MAGI2: variants seen among roughly 807,000 people sequenced by gnomAD.
MAGI2 encodes membrane associated guanylate kinase, WW and PDZ domain containing 2.
In MAGI2, 35 loss-of-function variants were observed where a neutral mutation model predicts 133.3. That is an observed-to-expected ratio of 0.26 (90% CI 0.20 to 0.35). The LOEUF (loss-of-function observed/expected upper bound fraction) is 0.35. Ranked by LOEUF, MAGI2 falls within the 10% of genes least tolerant of loss-of-function variation. The pLI is 1.00. For synonymous variants in MAGI2, 729 were observed against 710.6 expected (o/e 1.03, Z -0.41); for missense variants, 1,636 against 1,863.4 (o/e 0.88, Z 2.25).
chr7:78,243,537 C>G (rs1357103900), intron 10 of MAGI2, among the ~76,000 whole-genome samples: 1 of 152,042 alleles, frequency 6.6e-6, no homozygotes, highest in African/African-American at 2.4e-5. Context: ...AAACACAATT[C>G]TCTGGGTTCT....
At chr7:79,110,484 C>T (rs2129543853) in intron 1 of MAGI2, among the ~76,000 whole-genome samples, 1 of 152,312 alleles carries the variant, frequency 6.6e-6, no homozygotes. Context: ...TAGCCCCATT[C>T]TTTTGGCTGA....
chr7:78,924,776 T>C (rs938996719), intron 2 of MAGI2, among the ~76,000 whole-genome samples: 1 of 151,980 alleles, frequency 6.6e-6, no homozygotes, highest in Non-Finnish European at 1.5e-5. Context: ...CCCAGTCGTC[T>C]TCTCATTTGT....
intron 2 of MAGI2, among the ~76,000 whole-genome samples, chr7:78,987,060 C>A (rs968626351): frequency 1.3e-5 from 2 of 151,836 alleles, no homozygotes; most frequent in African/African-American, 4.8e-5. Context: ...GCTATGAAAC[C>A]CAAAGAAAAT....
At chr7:78,431,819 G>A (rs1043884832) in intron 6 of MAGI2, among the ~76,000 whole-genome samples, 3 of 151,772 alleles carry the variant, frequency 2.0e-5, no homozygotes, top group Admixed American at 6.6e-5. Flanking sequence ...AAGGTGTCTC[G>A]TAAATAATAC....
intron 2 of MAGI2, among the ~76,000 whole-genome samples, chr7:78,714,793 G>A (rs55984124): frequency 0.05 from 7,541 of 152,218 alleles, 272 homozygotes; most frequent in Non-Finnish European, 0.077. Flanking sequence ...ACACAGCTTT[G>A]AATTTTCCAA....
At chr7:79,155,461 A>G (rs1311638968) in intron 1 of MAGI2, among the ~76,000 whole-genome samples, 1 of 152,116 alleles carries the variant, frequency 6.6e-6, no homozygotes, top group Non-Finnish European at 1.5e-5. Flanking sequence ...TGATAAATAT[A>G]TAATTACACA....
chr7:78,209,193 C>G (rs113527903), intron 10 of MAGI2, among the ~76,000 whole-genome samples: 2,654 of 29,630 alleles, frequency 0.09, 274 homozygotes, highest in Non-Finnish European at 0.15. Context: ...CTGCACTCCA[C>G]CCTGGGCGAC....
At chr7:78,743,181 C>T in intron 2 of MAGI2, among the ~76,000 whole-genome samples, 1 of 152,142 alleles carries the variant, frequency 6.6e-6, no homozygotes, top group South Asian at 2.1e-4. Flanking sequence ...ACTAGAACAT[C>T]CCCTCCTCTA....
chr7:78,436,649 G>A (rs1800315573), intron 6 of MAGI2, among the ~76,000 whole-genome samples: 1 of 152,008 alleles, frequency 6.6e-6, no homozygotes, highest in Non-Finnish European at 1.5e-5. Flanking sequence ...ATTTTTCCTG[G>A]TTGATCCCAT....
intron 15 of MAGI2, among the ~76,000 whole-genome samples, chr7:78,164,914 T>G (rs1268284361): frequency 6.6e-6 from 1 of 152,102 alleles, no homozygotes; most frequent in African/African-American, 2.4e-5. Flanking sequence ...GTATAATAAT[T>G]AAAGCCACTC....
chr7:79,077,629 A>G (rs979645898), intron 1 of MAGI2, among the ~76,000 whole-genome samples: 7 of 147,826 alleles, frequency 4.7e-5, no homozygotes, highest in Non-Finnish European at 7.5e-5. Context: ...TTGCTTAACT[A>G]GAGTTGGCTT....
At chr7:78,217,102 T>C (rs1788348576) in intron 10 of MAGI2, among the ~76,000 whole-genome samples, 1 of 152,222 alleles carries the variant, frequency 6.6e-6, no homozygotes, top group African/African-American at 2.4e-5. Flanking sequence ...AGTATGACTT[T>C]GTTTTAATTA....
intron 1 of MAGI2, among the ~76,000 whole-genome samples, chr7:79,253,178 A>G (rs1833443832): frequency 6.6e-6 from 1 of 152,200 alleles, no homozygotes; most frequent in Admixed American, 6.5e-5. Context: ...GAGCTTTATT[A>G]TTTTTTAAAA....
chr7:79,452,849 G>T (rs1849381032), intron 1 of MAGI2, 171 bp downstream of exon 1: 2 of 655,366 alleles, frequency 3.1e-6, no homozygotes, highest in Non-Finnish European at 5.0e-6. Flanking sequence ...CCTCCCTTTA[G>T]CCCCCAAGTC....
chr7:78,789,141 T>A (rs1827072304), intron 2 of MAGI2, among the ~76,000 whole-genome samples: 1 of 152,238 alleles, frequency 6.6e-6, no homozygotes, highest in Non-Finnish European at 1.5e-5. Flanking sequence ...TTCATTGCAT[T>A]GTAAGCTACT....
rs77804575 is a variant in MAGI2, at chr7:79,261,929, G to A, written c.301+191091C>T. Among the ~76,000 whole-genome samples, 857 of 152,216 alleles carry A rather than the reference G, an allele frequency of 5.6e-3. 9 individuals are homozygous for A. The highest frequency in any genetic ancestry group is 0.02 in the African/African-American group (819 of 41,544). ...AAAGATAAAAGTTGCAAGTAACTTT[G>A]TTGTTCATTTCAGAAACTTCATGAA... On this transcript the variant is annotated intron_variant, in intron 1 of 21. Transcript: ENST00000354212.
At chr7:78,106,663 T>C (rs913095854) in intron 20 of MAGI2, among the ~76,000 whole-genome samples, 3 of 152,142 alleles carry the variant, frequency 2.0e-5, no homozygotes, top group African/African-American at 7.2e-5. Flanking sequence ...ATTTTATTTT[T>C]AGAAATGTCT....
intron 2 of MAGI2, among the ~76,000 whole-genome samples, chr7:78,724,750 C>T (rs1820602238): frequency 1.3e-5 from 2 of 151,958 alleles, no homozygotes; most frequent in African/African-American, 4.8e-5. Context: ...GATATGCCAA[C>T]ACACTTCCAG....
chr7:78,171,585 C>G (rs148234586), intron 14 of MAGI2, among the ~76,000 whole-genome samples: 1 of 152,200 alleles, frequency 6.6e-6, no homozygotes, highest in Non-Finnish European at 1.5e-5. Context: ...TCACTGATCA[C>G]GTCCCAAGTT....
Sources: gnomAD v4.1 joint callset for allele counts (sites outside exome capture counted in the v4.1 genomes callset) on GRCh38, gnomAD v4.1.1 for gene constraint, MANE v1.5 for transcripts, NCBI Gene and HGNC (gene_info 2026-07-23, HGNC 2026-07-21) for gene names.